The following CCSER1 variants were observed in gnomAD, a reference collection of about 807,000 sequenced individuals.
CCSER1 encodes the protein coiled-coil serine rich protein 1, also known as serine-rich coiled-coil domain-containing protein 1.
CCSER1 carries 41 observed loss-of-function variants against 82.0 expected under a neutral mutation model. The observed-to-expected ratio is 0.50, with a 90% CI of 0.39 to 0.65. The LOEUF (loss-of-function observed/expected upper bound fraction) is 0.65. CCSER1 is among the 30% of genes least tolerant of loss of function. The pLI is 0.00. For missense variants in CCSER1, 1,119 were observed against 1,064.2 expected (o/e 1.05, Z -0.72); for synonymous variants, 414 against 383.9 (o/e 1.08, Z -0.92).
At chr4:91,509,787 C>T (rs1223004091) in intron 10 of CCSER1, among the ~76,000 whole-genome samples, 2 of 151,934 alleles carry the variant, frequency 1.3e-5, no homozygotes, top group Non-Finnish European at 2.9e-5. Flanking sequence ...TCTAGAGAAA[C>T]ATAATTAATA....
At chr4:90,326,207 T>C (rs7670926) in intron 3 of CCSER1, among the ~76,000 whole-genome samples, 93,018 of 151,430 alleles carry the variant, frequency 0.61, 29,709 homozygotes, top group East Asian at 0.82. Context: ...TACAGGCACC[T>C]GCCACCACGC....
chr4:91,506,346 TAGTTTGA>T (rs1759484414), intron 10 of CCSER1, among the ~76,000 whole-genome samples: 1 of 152,176 alleles, frequency 6.6e-6, no homozygotes, highest in East Asian at 1.9e-4. Flanking sequence ...CCTTGTATTC[TAGTTTGA>T]AGTCAGGTAG....
chr4:91,326,040 G>T (rs1347993000), intron 10 of CCSER1, among the ~76,000 whole-genome samples: 1 of 150,988 alleles, frequency 6.6e-6, no homozygotes, highest in Non-Finnish European at 1.5e-5. Flanking sequence ...TTCTCTAATT[G>T]CTAGACTGAG....
At chr4:90,198,005 C>T (rs1438999922) in intron 1 of CCSER1, among the ~76,000 whole-genome samples, 1 of 152,118 alleles carries the variant, frequency 6.6e-6, no homozygotes, top group Non-Finnish European at 1.5e-5. Context: ...ACTTATTTCA[C>T]ATTGCATACC....
intron 10 of CCSER1, among the ~76,000 whole-genome samples, chr4:91,341,705 C>T (rs967059803): frequency 2.0e-5 from 3 of 152,110 alleles, no homozygotes; most frequent in Non-Finnish European, 4.4e-5. Flanking sequence ...CCACCCCTGG[C>T]TAATTTTTGT....
intron 1 of CCSER1, among the ~76,000 whole-genome samples, chr4:90,238,823 A>G (rs983011592): frequency 6.6e-6 from 1 of 152,058 alleles, no homozygotes; most frequent in Non-Finnish European, 1.5e-5. Context: ...GTCTTTTTAA[A>G]ATATTAGCTT....
intron 1 of CCSER1, among the ~76,000 whole-genome samples, chr4:90,259,670 G>T (rs913820807): frequency 6.6e-6 from 1 of 152,064 alleles, no homozygotes; most frequent in Non-Finnish European, 1.5e-5. Context: ...ATTATGAAGG[G>T]ATGCTGGATT....
intron 1 of CCSER1, among the ~76,000 whole-genome samples, chr4:90,214,039 C>A (rs914054304): frequency 1.3e-5 from 2 of 152,018 alleles, no homozygotes; most frequent in African/African-American, 4.8e-5. Context: ...AAGGAATAAT[C>A]TGAATAAATT....
At chr4:90,605,122 T>A (rs1203251767) in intron 5 of CCSER1, among the ~76,000 whole-genome samples, 1 of 152,082 alleles carries the variant, frequency 6.6e-6, no homozygotes, top group Non-Finnish European at 1.5e-5. Flanking sequence ...CTGCAGCTTC[T>A]CTCTTGAAGC....
chr4:91,077,092 A>G (rs960520437), intron 9 of CCSER1, among the ~76,000 whole-genome samples: 1 of 152,186 alleles, frequency 6.6e-6, no homozygotes, highest in Non-Finnish European at 1.5e-5. Context: ...ATTAGAGTGA[A>G]CTGTCAGTAG....
intron 7 of CCSER1, among the ~76,000 whole-genome samples, chr4:90,795,829 A>C (rs1316478309): frequency 6.6e-6 from 1 of 151,336 alleles, no homozygotes; most frequent in Non-Finnish European, 1.5e-5. Context: ...CCAACCTTAC[A>C]TCTCATGGAT....
At chr4:91,524,943 A>G (rs1002191569) in intron 10 of CCSER1, among the ~76,000 whole-genome samples, 2 of 152,134 alleles carry the variant, frequency 1.3e-5, no homozygotes, top group African/African-American at 4.8e-5. Context: ...GAATACATAA[A>G]TTATTTTCAT....
At chr4:90,476,280 A>G (rs1765094773) in intron 5 of CCSER1, among the ~76,000 whole-genome samples, 1 of 152,096 alleles carries the variant, frequency 6.6e-6, no homozygotes, top group Non-Finnish European at 1.5e-5. Flanking sequence ...CCACTAGGAG[A>G]CTATGCCTTC....
Position 90,364,559 on chromosome 4 carries a change from G to A in CCSER1, c.1510-35477G>A, listed in dbSNP as rs181752013. On this transcript the variant is annotated intron_variant, in intron 3 of 10. Transcript: ENST00000509176. ...TTTATCAAAAATCTGCTTAAACATT[G>A]TATAGAGTTTATATAATAAAAAGCA... Among the ~76,000 whole-genome samples, 338 of 152,114 alleles carry A rather than the reference G, an allele frequency of 2.2e-3. 3 individuals are homozygous for A. Among genetic ancestry groups the A allele is most frequent in the Non-Finnish European group, 3.8e-3 (260 of 67,898 alleles).
intron 10 of CCSER1, among the ~76,000 whole-genome samples, chr4:91,570,412 C>T (rs949926509): frequency 6.6e-6 from 1 of 152,188 alleles, no homozygotes; most frequent in African/African-American, 2.4e-5. Flanking sequence ...CAGAGGTTCT[C>T]CATGAAGGCT....
Position 91,383,329 on chromosome 4 carries a change from A to AT in CCSER1, c.2218-215237dup, listed in dbSNP as rs894310342. Reference sequence around the variant, plus strand: ...ATTCATTCTTCAAGCTTTCCTAACCATTTTTTCTTCATGTTATCTCACTTT... The same window carrying AT: ...ATTCATTCTTCAAGCTTTCCTAACCATTTTTTTCTTCATGTTATCTCACTTT... On this transcript the variant is annotated intron_variant, in intron 10 of 10. Transcript: ENST00000509176. Among the ~76,000 whole-genome samples the AT allele has an allele frequency of 1.9e-4, 29 of 151,964 alleles. No homozygotes were observed. The East Asian group carries it at 5.0e-3, about 26-fold the overall frequency.
intron 3 of CCSER1, among the ~76,000 whole-genome samples, chr4:90,365,201 A>C (rs1746067932): frequency 6.6e-6 from 1 of 152,024 alleles, no homozygotes; most frequent in Non-Finnish European, 1.5e-5. Flanking sequence ...TCACAGTCTC[A>C]GTTGTGTTTA....
At chr4:90,898,264 T>A (rs761161967) in intron 8 of CCSER1, among the ~76,000 whole-genome samples, 42 of 141,390 alleles carry the variant, frequency 3.0e-4, no homozygotes, top group Non-Finnish European at 4.7e-4. Flanking sequence ...AAATCTTTAA[T>A]CCATCTTTTT....
chr4:91,107,400 G>A (rs377493437), intron 10 of CCSER1, among the ~76,000 whole-genome samples: 6 of 152,162 alleles, frequency 3.9e-5, no homozygotes, highest in Middle Eastern at 3.4e-3. Context: ...GACTGCAGGC[G>A]CATGCTACCA....
Sources: allele counts gnomAD v4.1 joint callset (sites outside exome capture counted in the v4.1 genomes callset), GRCh38; gene constraint gnomAD v4.1.1; transcripts MANE v1.5; gene names NCBI Gene and HGNC (gene_info 2026-07-23, HGNC 2026-07-21).